The following C17orf67 variants were observed in gnomAD, a reference collection of about 807,000 sequenced individuals.
C17orf67 encodes the protein uncharacterized protein C17orf67.
In C17orf67, 12 loss-of-function variants were observed where a neutral mutation model predicts 11.2. The ratio of observed to expected loss-of-function variants is 1.07; its 90% CI spans 0.68 to 1.73. The LOEUF (loss-of-function observed/expected upper bound fraction) is 1.73, where lower values mean the gene tolerates loss of function less well. C17orf67 is among the 40% of genes most tolerant of loss of function. The probability of loss-of-function intolerance (pLI) is 0.00; values close to 1 mark genes in which losing one functional copy is unlikely to be tolerated. For synonymous variants in C17orf67, 59 were observed against 46.9 expected (o/e 1.26, Z -1.05); for missense variants, 115 against 113.5 (o/e 1.01, Z -0.06).
At chr17:56,828,402 G>A (rs2144153411) in intron 2 of C17orf67, among the ~76,000 whole-genome samples, 1 of 151,524 alleles carries the variant, frequency 6.6e-6, no homozygotes, top group East Asian at 1.9e-4. Context: ...CAAAACTCTT[G>A]TCTCAAAAAA....
chr17:56,800,645 C>A (rs1382759065), intron 6 of C17orf67, among the ~76,000 whole-genome samples: 2 of 152,186 alleles, frequency 1.3e-5, no homozygotes, highest in East Asian at 3.9e-4. Flanking sequence ...TTCTTATTTT[C>A]CCATCTCACT....
At chr17:56,795,376 G>A (rs1329732252) in intron 6 of C17orf67, 196 bp from the exon 7 acceptor site, 2 of 577,752 alleles carry the variant, frequency 3.5e-6, no homozygotes, top group African/African-American at 3.7e-5. Context: ...AAATAAAGAA[G>A]TCTGACAATA....
intron 6 of C17orf67, among the ~76,000 whole-genome samples, chr17:56,810,221 A>G (rs913785226): frequency 7.2e-6 from 1 of 138,142 alleles, no homozygotes; most frequent in Non-Finnish European, 1.6e-5. Flanking sequence ...ACACCATCAC[A>G]CCCCTCACAT....
At chr17:56,794,892 T>A (rs569089500) in intron 7 of C17orf67, among the ~76,000 whole-genome samples, 152 bp downstream of exon 7, 4 of 151,472 alleles carry the variant, frequency 2.6e-5, no homozygotes, top group African/African-American at 7.3e-5. Flanking sequence ...CCACTATGTC[T>A]CCTGCCTCAC....
chr17:56,797,554 G>A (rs771252762), intron 6 of C17orf67, among the ~76,000 whole-genome samples: 5 of 152,120 alleles, frequency 3.3e-5, no homozygotes, highest in Non-Finnish European at 5.9e-5. Context: ...CTGGGGTCAG[G>A]GCAGAGAAAA....
chr17:56,802,193 G>A lies in C17orf67; in HGVS notation c.157-7013C>T, dbSNP rs970913759. Among the ~76,000 whole-genome samples, 10 of 152,224 alleles carry A rather than the reference G, an allele frequency of 6.6e-5. No homozygotes were observed. In the South Asian group the frequency reaches 1.0e-3, roughly 16 times the overall value. On this transcript the variant is annotated intron_variant, in intron 6 of 7. Transcript: ENST00000397861. ...CGTGGGACCCAGATTAATTGTCGCC[G>A]TAGACTCCCTTGGCCTGTGGCTTCT... is the stretch of plus-strand genomic sequence containing the variant.
At chr17:56,808,450 C>A (rs1029559769) in intron 6 of C17orf67, among the ~76,000 whole-genome samples, 3 of 152,190 alleles carry the variant, frequency 2.0e-5, no homozygotes, top group Non-Finnish European at 4.4e-5. Flanking sequence ...CCTCCATACA[C>A]TCAAAATCCC....
At chr17:56,807,788 A>G (rs1239845464) in intron 6 of C17orf67, among the ~76,000 whole-genome samples, 1 of 151,976 alleles carries the variant, frequency 6.6e-6, no homozygotes, top group Admixed American at 6.6e-5. Flanking sequence ...TGTCTAAAGT[A>G]GAAAGTCAAG....
At chr17:56,797,563 A>C (rs1049268252) in intron 6 of C17orf67, among the ~76,000 whole-genome samples, 2 of 152,114 alleles carry the variant, frequency 1.3e-5, no homozygotes, top group Non-Finnish European at 2.9e-5. Context: ...GGGCAGAGAA[A>C]AACCGCGTCC....
At chr17:56,827,330 T>A (rs1250132415) in intron 2 of C17orf67, among the ~76,000 whole-genome samples, 2 of 152,246 alleles carry the variant, frequency 1.3e-5, no homozygotes, top group African/African-American at 2.4e-5. Flanking sequence ...CCACTGCTGA[T>A]TGAGTACAGG....
intron 7 of C17orf67, among the ~76,000 whole-genome samples, chr17:56,794,733 C>T (rs888270536): frequency 1.3e-5 from 2 of 152,224 alleles, no homozygotes; most frequent in Non-Finnish European, 2.9e-5. Context: ...CAAGTCTCAA[C>T]AAAACACACT....
intron 6 of C17orf67, among the ~76,000 whole-genome samples, chr17:56,813,867 C>T (rs1030796385): frequency 2.6e-5 from 4 of 151,692 alleles, no homozygotes; most frequent in East Asian, 1.9e-4. Context: ...TATTTATTAT[C>T]CCCATTTTAT....
intron 4 of C17orf67, among the ~76,000 whole-genome samples, chr17:56,821,341 A>C (rs954700623): frequency 1.3e-5 from 2 of 152,218 alleles, no homozygotes; most frequent in Non-Finnish European, 2.9e-5. Context: ...TCACATGTAC[A>C]TTGTAAAGAA....
intron 7 of C17orf67, among the ~76,000 whole-genome samples, chr17:56,793,261 T>G (rs1905151672): frequency 6.6e-6 from 1 of 152,094 alleles, no homozygotes; most frequent in South Asian, 2.1e-4. Flanking sequence ...TTTTCTAAGG[T>G]TATTCAGCCA....
chr17:56,823,879 TA>T (rs112787461), intron 4 of C17orf67, among the ~76,000 whole-genome samples: 28 of 150,372 alleles, frequency 1.9e-4, no homozygotes, highest in African/African-American at 6.6e-4. Context: ...TATTCAGCAC[TA>T]AAAAAAAATG....
chr17:56,810,051 C>T (rs1055951259), intron 6 of C17orf67, among the ~76,000 whole-genome samples: 1 of 108,542 alleles, frequency 9.2e-6, no homozygotes, highest in African/African-American at 3.0e-5. Context: ...CACACACACC[C>T]CTCACACACC....
rs374565349 is a variant in C17orf67 at position 56,804,426 on chromosome 17, G to A, written c.157-9246C>T. ...AGCAAGGTAATCCTATATATAGAAT[G>A]GTGGCTCAGAACTTAACTGCACTGG... On this transcript the variant is annotated intron_variant, in intron 6 of 7. Coordinates refer to ENST00000397861, the MANE Select transcript of C17orf67 (RefSeq NM_001085430.4). Among the ~76,000 whole-genome samples, 11 of 152,292 alleles carry A rather than the reference G, an allele frequency of 7.2e-5. No individual in the cohort carries two copies. The East Asian group carries it at 1.2e-3, about 16-fold the overall frequency.
intron 7 of C17orf67, among the ~76,000 whole-genome samples, chr17:56,793,637 G>A (rs1284774171): frequency 6.6e-6 from 1 of 152,230 alleles, no homozygotes; most frequent in Non-Finnish European, 1.5e-5. Context: ...AGTCAGTGAG[G>A]TTAGGCAACT....
Position 56,795,022 on chromosome 17 carries a change from C to T in C17orf67, c.*20+22G>A, listed in dbSNP as rs200524641. 80 of 1,534,242 alleles carry T rather than the reference C, an allele frequency of 5.2e-5. No individual in the cohort carries two copies. In the African/African-American group the frequency reaches 6.0e-4, roughly 11 times the overall value. The stretch of plus-strand genomic sequence containing the variant: ...CCCACCACTCCCTCAGACAGAGGTC[C>T]GGGAGAGAGAAGGAGACGTACCGAG... On this transcript the variant is annotated intron_variant, in intron 7 of 7. Transcript: ENST00000397861.
Sources: gnomAD v4.1 joint callset for allele counts (sites outside exome capture counted in the v4.1 genomes callset) on GRCh38, gnomAD v4.1.1 for gene constraint, MANE v1.5 for transcripts, NCBI Gene and HGNC (gene_info 2026-07-23, HGNC 2026-07-21) for gene names.